The following ACVR1 variants were observed in gnomAD, a reference collection of about 807,000 sequenced individuals.
The protein encoded by ACVR1 is activin receptor type-1.
In ACVR1, 38 loss-of-function variants were observed where a neutral mutation model predicts 57.1. That is an observed-to-expected ratio of 0.67 (90% CI 0.51 to 0.87). The LOEUF is 0.87. Ranked by LOEUF, ACVR1 falls within the 40% of genes least tolerant of loss-of-function variation. ACVR1 has a pLI of 0.00. For synonymous variants in ACVR1, 212 were observed against 228.1 expected (o/e 0.93, Z 0.63); for missense variants, 463 against 638.2 (o/e 0.73, Z 2.96).
At chr2:157,803,167 G>A (rs191925274) in intron 2 of ACVR1, among the ~76,000 whole-genome samples, 149 of 151,698 alleles carry the variant, frequency 9.8e-4, no homozygotes, top group Non-Finnish European at 1.7e-3. Context: ...TATTTTCCAC[G>A]TCACAAAGCC....
At chr2:157,792,102 C>T (rs184376823) in intron 3 of ACVR1, among the ~76,000 whole-genome samples, 1 of 151,752 alleles carries the variant, frequency 6.6e-6, no homozygotes, top group African/African-American at 2.4e-5. Context: ...CCACCCCAAT[C>T]CCCCAAATCA....
At chr2:157,837,034 C>A (rs887206148) in intron 1 of ACVR1, among the ~76,000 whole-genome samples, 2 of 152,214 alleles carry the variant, frequency 1.3e-5, no homozygotes, top group African/African-American at 4.8e-5. Context: ...TTACGTTTCT[C>A]TCGCCTGTAA....
intron 1 of ACVR1, among the ~76,000 whole-genome samples, chr2:157,829,046 G>A (rs1688494342): frequency 1.3e-5 from 2 of 152,182 alleles, no homozygotes; most frequent in Non-Finnish European, 2.9e-5. Flanking sequence ...GGGATTACAG[G>A]CGTGAGCCAC....
intron 3 of ACVR1, chr2:157,790,337 T>C (rs1392528918): frequency 6.6e-6 from 1 of 152,202 alleles, no homozygotes; most frequent in Non-Finnish European, 1.5e-5. Context: ...GGCAACCAGC[T>C]GCCCAGTGCT....
At chr2:157,771,708 A>T (rs1337266201) in intron 6 of ACVR1, among the ~76,000 whole-genome samples, 1 of 152,206 alleles carries the variant, frequency 6.6e-6, no homozygotes, top group Non-Finnish European at 1.5e-5. Flanking sequence ...CCTGAATCAT[A>T]ATCACAACCA....
chr2:157,868,885 T>C (rs1422215833), intron 1 of ACVR1, among the ~76,000 whole-genome samples: 2 of 152,194 alleles, frequency 1.3e-5, no homozygotes, highest in Non-Finnish European at 2.9e-5. Flanking sequence ...CGGGAAAAGA[T>C]GAAGGAAGAG....
intron 2 of ACVR1, among the ~76,000 whole-genome samples, chr2:157,807,791 A>G (rs1223090277): frequency 2.2e-5 from 3 of 133,376 alleles, no homozygotes; most frequent in African/African-American, 5.6e-5. Flanking sequence ...CAGTGTTAGA[A>G]GCACTGCTCA....
intron 3 of ACVR1, among the ~76,000 whole-genome samples, chr2:157,792,648 T>C (rs1303163992): frequency 6.6e-6 from 1 of 152,214 alleles, no homozygotes; most frequent in East Asian, 1.9e-4. Context: ...CACTATTGGG[T>C]AGCAAAATCA....
intron 2 of ACVR1, among the ~76,000 whole-genome samples, chr2:157,818,178 G>A (rs559780227): frequency 1.2e-3 from 177 of 152,220 alleles, no homozygotes; most frequent in African/African-American, 3.9e-3. Flanking sequence ...TGAAGGCAAC[G>A]CCAGAACTAA....
At chr2:157,748,670 C>A (rs1685063632) in intron 9 of ACVR1, among the ~76,000 whole-genome samples, 1 of 151,674 alleles carries the variant, frequency 6.6e-6, no homozygotes, top group South Asian at 2.1e-4. Context: ...TGTCAATTTA[C>A]AATCCATGTA....
intron 1 of ACVR1, among the ~76,000 whole-genome samples, chr2:157,868,619 AC>A (rs1364395407): frequency 6.6e-6 from 1 of 152,182 alleles, no homozygotes; most frequent in African/African-American, 2.4e-5. Flanking sequence ...ACATACAGAT[AC>A]CTCTCAAAAT....
intron 1 of ACVR1, among the ~76,000 whole-genome samples, chr2:157,868,531 C>T (rs997923093): frequency 2.0e-5 from 3 of 151,814 alleles, no homozygotes; most frequent in African/African-American, 4.8e-5. Context: ...AACTTGGCCT[C>T]TAAATAAAAA....
chr2:157,808,906 G>A (rs1226983518), intron 2 of ACVR1, among the ~76,000 whole-genome samples: 2 of 148,070 alleles, frequency 1.4e-5, no homozygotes, highest in Non-Finnish European at 1.5e-5. Flanking sequence ...ACAGAAAGTA[G>A]TAACATTTCT....
chr2:157,846,853 G>A (rs1241532632), intron 1 of ACVR1, among the ~76,000 whole-genome samples: 2 of 152,176 alleles, frequency 1.3e-5, no homozygotes, highest in Admixed American at 6.5e-5. Context: ...GGCCTCGAGG[G>A]CAGGAGAGTA....
intron 9 of ACVR1, among the ~76,000 whole-genome samples, chr2:157,757,045 A>ATATATATATATATATATATATATATAT (rs1559039330): frequency 1.0e-3 from 101 of 98,154 alleles, no homozygotes; most frequent in African/African-American, 3.9e-3. Flanking sequence ...TATATATATA[A>ATATATATATATATATATATATATATAT]AATAGAATAC....
intron 1 of ACVR1, among the ~76,000 whole-genome samples, chr2:157,848,102 C>G (rs72925226): frequency 0.044 from 6,665 of 152,202 alleles, 168 homozygotes; most frequent in Non-Finnish European, 0.055. Flanking sequence ...CTGGGGAAAA[C>G]TAAGGAAATC....
intron 1 of ACVR1, among the ~76,000 whole-genome samples, chr2:157,859,776 C>G (rs538131700): frequency 1.3e-5 from 2 of 152,272 alleles, no homozygotes; most frequent in South Asian, 4.1e-4. Context: ...TTCGATTATC[C>G]CCCTAAGTGT....
At chr2:157,759,814 T>C (rs145583727) in intron 9 of ACVR1, among the ~76,000 whole-genome samples, 5 of 152,234 alleles carry the variant, frequency 3.3e-5, no homozygotes, top group African/African-American at 1.2e-4. Context: ...ATGCGATACA[T>C]CACATCAACA....
At chr2:157,799,689 G>A (rs969509350) in intron 2 of ACVR1, among the ~76,000 whole-genome samples, 189 bp from the exon 3 acceptor site, 1 of 152,120 alleles carries the variant, frequency 6.6e-6, no homozygotes, top group Non-Finnish European at 1.5e-5. Context: ...ACTTTAAAGA[G>A]TTAGTCATAT....
Sources: allele counts gnomAD v4.1 joint callset (sites outside exome capture counted in the v4.1 genomes callset), GRCh38; gene constraint gnomAD v4.1.1; transcripts MANE v1.5; gene names NCBI Gene and HGNC (gene_info 2026-07-23, HGNC 2026-07-21).